Variants in TENM2 observed in about 807,000 individuals in gnomAD.
The protein encoded by TENM2 is teneurin transmembrane protein 2, also known as teneurin-2.
Under a neutral mutation model 245.2 loss-of-function variants are expected in TENM2, and 52 were observed. The observed-to-expected ratio is 0.21, with a 90% CI of 0.17 to 0.27. The LOEUF (loss-of-function observed/expected upper bound fraction) is 0.27. TENM2 is among the 10% of genes least tolerant of loss of function. The pLI is 1.00. For synonymous variants in TENM2, 1,363 were observed against 1,438.9 expected (o/e 0.95, Z 1.19); for missense variants, 3,046 against 3,666.8 (o/e 0.83, Z 4.37).
chr5:167,656,913 A>G (rs1204463787), intron 2 of TENM2, among the ~76,000 whole-genome samples: 2 of 150,946 alleles, frequency 1.3e-5, no homozygotes, highest in East Asian at 4.0e-4. Context: ...AATCAGAGCA[A>G]TTCACGTATC....
chr5:168,225,794 A>G (rs1764125752), intron 23 of TENM2, among the ~76,000 whole-genome samples: 1 of 151,966 alleles, frequency 6.6e-6, no homozygotes, highest in African/African-American at 2.4e-5. Context: ...AGAAACAGAA[A>G]AGTAAGAGAA....
chr5:167,797,049 T>A (rs1371347957), intron 2 of TENM2, among the ~76,000 whole-genome samples: 1 of 152,092 alleles, frequency 6.6e-6, no homozygotes, highest in Non-Finnish European at 1.5e-5. Context: ...TTGAATACCA[T>A]CCAGATAAGT....
chr5:167,570,782 C>G (rs1006630001), intron 2 of TENM2, among the ~76,000 whole-genome samples: 3 of 152,134 alleles, frequency 2.0e-5, no homozygotes, highest in Non-Finnish European at 4.4e-5. Context: ...TGTCAGAGGT[C>G]TGAAAACAGT....
chr5:167,415,433 G>A (rs745790493), intron 2 of TENM2, among the ~76,000 whole-genome samples: 4 of 152,098 alleles, frequency 2.6e-5, no homozygotes, highest in Admixed American at 2.0e-4. Flanking sequence ...ATGCAAGATG[G>A]ACTGTGATGT....
chr5:168,247,554 C>T lies in TENM2; in HGVS notation c.6615C>T (p.Tyr2205=), dbSNP rs753392656. 4.5e-5 allele frequency: 73 copies of T among 1,612,844 alleles called. No homozygotes were observed. Among genetic ancestry groups the T allele is most frequent in the East Asian group, 3.1e-4 (14 of 44,850 alleles). The change falls in exon 27 of 29, where the codon TAC becomes TAT. Residue 2205 remains tyrosine (Y), a synonymous_variant. Transcript: ENST00000518659. The surrounding 1 kb of genome is among the most constrained non-coding windows in gnomAD (Gnocchi z 7.8). Reference sequence around the variant, plus strand: ...ATACCACGAAGTACACCTATGACTACGATGGGGACGGGCAGCTCCAGAGCG... The same window carrying T: ...ATACCACGAAGTACACCTATGACTATGATGGGGACGGGCAGCTCCAGAGCG...
At chr5:167,404,808 C>T (rs1370617089) in intron 2 of TENM2, among the ~76,000 whole-genome samples, 1 of 152,160 alleles carries the variant, frequency 6.6e-6, no homozygotes, top group African/African-American at 2.4e-5. Context: ...ACGTGCAATT[C>T]ACTCACTTAA....
chr5:167,783,528 A>G (rs1446208798), intron 2 of TENM2, among the ~76,000 whole-genome samples: 1 of 152,202 alleles, frequency 6.6e-6, no homozygotes, highest in Non-Finnish European at 1.5e-5. Context: ...ATGCAGTTAG[A>G]TGCCACGGCA....
At chr5:167,324,784 C>A (rs1044411896) in intron 1 of TENM2, among the ~76,000 whole-genome samples, 1 of 152,050 alleles carries the variant, frequency 6.6e-6, no homozygotes, top group Non-Finnish European at 1.5e-5. Flanking sequence ...ATTAGTATTC[C>A]ACTTTCAGGT....
At chr5:167,726,436 C>T (rs1760012315) in intron 2 of TENM2, among the ~76,000 whole-genome samples, 1 of 152,068 alleles carries the variant, frequency 6.6e-6, no homozygotes, top group South Asian at 2.1e-4. Context: ...TCACCCCTTT[C>T]CTTACCTTCC....
chr5:167,390,807 A>G (rs1761707218), intron 2 of TENM2, among the ~76,000 whole-genome samples: 1 of 152,180 alleles, frequency 6.6e-6, no homozygotes, highest in Non-Finnish European at 1.5e-5. Flanking sequence ...CCACTGATAC[A>G]CATTTATGGC....
the TENM2 span, among the ~76,000 whole-genome samples, chr5:167,208,065 A>G: frequency 9.9e-5 from 15 of 152,098 alleles, no homozygotes. Flanking sequence ...ACTGAGGTAT[A>G]TTCTTATTGT....
intron 2 of TENM2, among the ~76,000 whole-genome samples, chr5:167,710,250 TAC>T (rs1321572389): frequency 6.6e-6 from 1 of 152,108 alleles, no homozygotes; most frequent in African/African-American, 2.4e-5. Context: ...TACACATGCA[TAC>T]ACACACACAT....
intron 3 of TENM2, among the ~76,000 whole-genome samples, chr5:167,931,565 A>C (rs951685844): frequency 3.3e-5 from 5 of 151,910 alleles, no homozygotes; most frequent in East Asian, 1.9e-4. Context: ...AAAAAAAAAA[A>C]AAAAAACAAG....
intron 1 of TENM2, among the ~76,000 whole-genome samples, chr5:167,321,745 C>T (rs1273242781): frequency 7.5e-6 from 1 of 133,816 alleles, no homozygotes; most frequent in Non-Finnish European, 1.5e-5. Flanking sequence ...CCCTTAATGT[C>T]TGCCTGGGCA....
chr5:168,086,001 C>A (rs1212217880), intron 7 of TENM2, among the ~76,000 whole-genome samples: 1 of 152,216 alleles, frequency 6.6e-6, no homozygotes, highest in East Asian at 1.9e-4. Flanking sequence ...TTCGTGTTGA[C>A]CCTCAGCAAG....
the TENM2 span, among the ~76,000 whole-genome samples, chr5:167,267,211 A>G: frequency 6.6e-6 from 1 of 152,034 alleles, no homozygotes; most frequent in East Asian, 1.9e-4. Context: ...GTCCTTAGTC[A>G]TTCTTCCCAG....
chr5:167,242,433 A>T, the TENM2 span, among the ~76,000 whole-genome samples: 1 of 151,816 alleles, frequency 6.6e-6, no homozygotes, highest in Non-Finnish European at 1.5e-5. Flanking sequence ...TTTGATGATG[A>T]AATAAATGAG....
intron 1 of TENM2, among the ~76,000 whole-genome samples, chr5:167,289,465 T>C (rs1384462179): frequency 1.3e-5 from 2 of 152,072 alleles, no homozygotes; most frequent in Non-Finnish European, 2.9e-5. Flanking sequence ...GAAGAAAAAA[T>C]TGGGGGAAGA....
chr5:168,172,399 T>C (rs1758927456), intron 13 of TENM2, among the ~76,000 whole-genome samples: 1 of 152,132 alleles, frequency 6.6e-6, no homozygotes, highest in Non-Finnish European at 1.5e-5. Context: ...TGCTAAAACG[T>C]CACCCACATT....
Sources: allele counts gnomAD v4.1 joint callset (sites outside exome capture counted in the v4.1 genomes callset), GRCh38; gene constraint gnomAD v4.1.1; non-coding constraint Gnocchi (gnomAD v3.1); transcripts MANE v1.5; gene names NCBI Gene and HGNC (gene_info 2026-07-23, HGNC 2026-07-21).